DLG2: variants seen among roughly 807,000 people sequenced by gnomAD.
DLG2 encodes the protein disks large homolog 2.
DLG2 carries 45 observed loss-of-function variants against 132.5 expected under a neutral mutation model. The observed-to-expected ratio is 0.34, with a 90% CI of 0.27 to 0.44. The LOEUF is 0.44. Ranked by LOEUF, DLG2 falls within the 20% of genes least tolerant of loss-of-function variation. DLG2 has a pLI of 1.00. For synonymous variants in DLG2, 424 were observed against 419.6 expected (o/e 1.01, Z -0.13); for missense variants, 1,045 against 1,196.9 (o/e 0.87, Z 1.87).
chr11:85,610,389 T>C (rs1412845794), intron 2 of DLG2, among the ~76,000 whole-genome samples: 1 of 151,864 alleles, frequency 6.6e-6, no homozygotes, highest in Non-Finnish European at 1.5e-5. Context: ...CTCTCAAATA[T>C]CAGAGGAAGC....
At chr11:84,727,051 G>C (rs969894168) in intron 6 of DLG2, among the ~76,000 whole-genome samples, 1 of 152,162 alleles carries the variant, frequency 6.6e-6, no homozygotes, top group African/African-American at 2.4e-5. Context: ...TAGGTTGCCT[G>C]TTCACTCTGA....
chr11:85,198,427 C>T (rs2081218655), intron 4 of DLG2, among the ~76,000 whole-genome samples: 1 of 152,004 alleles, frequency 6.6e-6, no homozygotes, highest in African/African-American at 2.4e-5. Flanking sequence ...ATTAAATTTC[C>T]ACAAGTGGCA....
At chr11:84,158,074 T>G (rs1264140758) in intron 9 of DLG2, among the ~76,000 whole-genome samples, 3 of 152,052 alleles carry the variant, frequency 2.0e-5, no homozygotes, top group African/African-American at 7.2e-5. Context: ...TTTTTTGGTT[T>G]TTTTTTTGAG....
At chr11:84,172,697 C>T (rs1159180200) in intron 8 of DLG2, among the ~76,000 whole-genome samples, 1 of 152,184 alleles carries the variant, frequency 6.6e-6, no homozygotes, top group East Asian at 1.9e-4. Context: ...CACCCGCCAC[C>T]ATGCGCAGCT....
At chr11:83,867,808 A>G (rs2062676480) in intron 16 of DLG2, among the ~76,000 whole-genome samples, 1 of 152,160 alleles carries the variant, frequency 6.6e-6, no homozygotes, top group African/African-American at 2.4e-5. Context: ...AATATTTCCT[A>G]GCTCTCCATA....
At chr11:85,401,109 A>G (rs2088046082) in intron 3 of DLG2, among the ~76,000 whole-genome samples, 1 of 152,088 alleles carries the variant, frequency 6.6e-6, no homozygotes, top group African/African-American at 2.4e-5. Flanking sequence ...GGCAAACCAA[A>G]TCCAGCAGCA....
intron 3 of DLG2, among the ~76,000 whole-genome samples, chr11:85,519,453 T>C (rs1337557203): frequency 1.3e-5 from 2 of 152,174 alleles, no homozygotes; most frequent in Non-Finnish European, 2.9e-5. Flanking sequence ...GTAGCCTCTT[T>C]GTTTTGGCCA....
chr11:85,069,569 C>G (rs1411836789), intron 6 of DLG2, among the ~76,000 whole-genome samples: 1 of 152,062 alleles, frequency 6.6e-6, no homozygotes, highest in Admixed American at 6.6e-5. Context: ...TCATCACTGG[C>G]CATCAGAGAA....
chr11:84,026,080 T>C (rs985597802), intron 11 of DLG2, among the ~76,000 whole-genome samples: 7 of 152,128 alleles, frequency 4.6e-5, no homozygotes, highest in Admixed American at 1.3e-4. Context: ...TATGATGGTA[T>C]GCTGACATGA....
At chr11:84,641,320 A>G (rs968632923) in intron 6 of DLG2, among the ~76,000 whole-genome samples, 1 of 152,210 alleles carries the variant, frequency 6.6e-6, no homozygotes, top group African/African-American at 2.4e-5. Context: ...AATTCACATA[A>G]AGTCTTTAGG....
At chr11:83,493,272 C>T (rs890358909) in intron 21 of DLG2, among the ~76,000 whole-genome samples, 1 of 152,084 alleles carries the variant, frequency 6.6e-6, no homozygotes, top group African/African-American at 2.4e-5. Flanking sequence ...GAGGCTTTTT[C>T]TGACAGGCCT....
At chr11:84,447,380 C>G (rs2099038391) in intron 7 of DLG2, among the ~76,000 whole-genome samples, 1 of 152,070 alleles carries the variant, frequency 6.6e-6, no homozygotes, top group Non-Finnish European at 1.5e-5. Context: ...ATAGTCTAGA[C>G]AGACAGTACA....
At chr11:83,515,490 AT>A (rs1408847940) in intron 21 of DLG2, among the ~76,000 whole-genome samples, 2 of 152,032 alleles carry the variant, frequency 1.3e-5, no homozygotes, top group African/African-American at 4.8e-5. Flanking sequence ...GGATTCATTG[AT>A]TTTTTGAAGG....
At chr11:83,721,346 C>T (rs558252365) in intron 18 of DLG2, among the ~76,000 whole-genome samples, 1 of 152,158 alleles carries the variant, frequency 6.6e-6, no homozygotes, top group Non-Finnish European at 1.5e-5. Context: ...TTCCAGTCCC[C>T]CAACAACACA....
At chr11:85,298,530 A>C (rs1253235888) in intron 3 of DLG2, among the ~76,000 whole-genome samples, 1 of 152,152 alleles carries the variant, frequency 6.6e-6, no homozygotes, top group Non-Finnish European at 1.5e-5. Flanking sequence ...AAAAGAAAAA[A>C]GTAAAAGCTG....
intron 6 of DLG2, among the ~76,000 whole-genome samples, chr11:84,753,924 T>C (rs1360298424): frequency 6.6e-6 from 1 of 152,138 alleles, no homozygotes; most frequent in African/African-American, 2.4e-5. Flanking sequence ...AGGTTGGACA[T>C]TGCTGAGAGG....
At chr11:85,578,499 A>G (rs2078301039) in intron 3 of DLG2, among the ~76,000 whole-genome samples, 1 of 152,196 alleles carries the variant, frequency 6.6e-6, no homozygotes, top group South Asian at 2.1e-4. Flanking sequence ...GCATCTAACA[A>G]AGGTCTAATA....
chr11:85,533,783 G>A (rs1166407917), intron 3 of DLG2, among the ~76,000 whole-genome samples: 2 of 152,150 alleles, frequency 1.3e-5, no homozygotes, highest in Non-Finnish European at 2.9e-5. Flanking sequence ...TAGGTTCAGC[G>A]CTACGCCTGA....
chr11:84,640,291 A>G (rs1463151387), intron 6 of DLG2: 4 of 335,890 alleles, frequency 1.2e-5, no homozygotes, highest in Non-Finnish European at 2.3e-5. Flanking sequence ...TTCCCTATCA[A>G]TGTCGTTATC....
Sources: allele counts gnomAD v4.1 joint callset (sites outside exome capture counted in the v4.1 genomes callset), GRCh38; gene constraint gnomAD v4.1.1; transcripts MANE v1.5; gene names NCBI Gene and HGNC (gene_info 2026-07-23, HGNC 2026-07-21).